The following KAZN variants were observed in gnomAD, a reference collection of about 807,000 sequenced individuals.
KAZN encodes the protein kazrin, periplakin interacting protein.
KAZN carries 40 observed loss-of-function variants against 87.4 expected under a neutral mutation model. That is an observed-to-expected ratio of 0.46 (90% CI 0.36 to 0.60). The LOEUF is 0.60. Among genes scored for constraint, KAZN ranks in the 20% least tolerant of loss-of-function variants. The pLI, the probability that KAZN is intolerant of heterozygous loss-of-function variation, is 0.00. For synonymous variants in KAZN, 466 were observed against 458.3 expected (o/e 1.02, Z -0.22); for missense variants, 898 against 1,073.9 (o/e 0.84, Z 2.29).
chr1:15,091,969 G>T (rs1640550725), intron 8 of KAZN, among the ~76,000 whole-genome samples: 1 of 130,144 alleles, frequency 7.7e-6, no homozygotes, highest in African/African-American at 3.3e-5. Context: ...TGTCTCTATG[G>T]ATGGATAAGC....
At position 14,812,470 on chromosome 1, in the gene KAZN, T is replaced by C. The variant is rs1646441384; in HGVS notation, c.227-148214T>C. Among the ~76,000 whole-genome samples, 3 of 152,126 alleles carry C rather than the reference T, an allele frequency of 2.0e-5. No homozygotes were observed. In the East Asian group the frequency reaches 5.8e-4, roughly 29 times the overall value. ...GGAAGATGTGGACAAATTCAGCAAT[T>C]ATCTTTCTGTCCCGGATCACATTCA... On this transcript the variant is annotated intron_variant, in intron 1 of 14. Coordinates refer to ENST00000376030, the MANE Select transcript of KAZN (RefSeq NM_201628.3).
chr1:14,550,723 CTCTCTCTCTCT>C (rs1673449364), intron 2 of KAZN, among the ~76,000 whole-genome samples: 7 of 86,142 alleles, frequency 8.1e-5, no homozygotes, highest in South Asian at 6.6e-4. Flanking sequence ...CTCTCTCTCT[CTCTCTCTCTCT>C]CTCTCCCCCA....
At chr1:14,241,550 C>T (rs906518940) in intron 2 of KAZN, among the ~76,000 whole-genome samples, 1 of 152,186 alleles carries the variant, frequency 6.6e-6, no homozygotes, top group Non-Finnish European at 1.5e-5. Flanking sequence ...AAGGACTTAG[C>T]ATTCATTTCT....
intron 1 of KAZN, among the ~76,000 whole-genome samples, chr1:14,141,236 TAAA>T (rs59679402): frequency 8.2e-3 from 323 of 39,240 alleles, no homozygotes; most frequent in African/African-American, 0.049. Context: ...GATTACCATT[TAAA>T]AAAAAAAAAA....
chr1:14,711,927 T>C (rs1642509583), intron 1 of KAZN, among the ~76,000 whole-genome samples: 1 of 152,194 alleles, frequency 6.6e-6, no homozygotes, highest in Admixed American at 6.5e-5. Flanking sequence ...CGGGACAGCT[T>C]GTTACACGCA....
intron 1 of KAZN, among the ~76,000 whole-genome samples, chr1:14,164,697 C>G (rs767388859): frequency 2.6e-5 from 4 of 152,012 alleles, no homozygotes; most frequent in Non-Finnish European, 5.9e-5. Context: ...TGCACCACCA[C>G]GCCTGGCTCA....
intron 2 of KAZN, among the ~76,000 whole-genome samples, chr1:14,358,551 G>A (rs1286492260): frequency 6.6e-6 from 1 of 152,074 alleles, no homozygotes. Flanking sequence ...TCTTTCTCTT[G>A]TGGGCATTTA....
chr1:14,690,319 C>T (rs972226830), intron 1 of KAZN, among the ~76,000 whole-genome samples: 11 of 152,202 alleles, frequency 7.2e-5, no homozygotes, highest in Non-Finnish European at 1.6e-4. Flanking sequence ...GATGGCCCAT[C>T]TGATGTTTTT....
At chr1:13,901,578 G>T (rs1038628621) in intron 1 of KAZN, among the ~76,000 whole-genome samples, 1 of 152,150 alleles carries the variant, frequency 6.6e-6, no homozygotes, top group African/African-American at 2.4e-5. Flanking sequence ...CCAATGAAAG[G>T]TTTGAAATTC....
intron 1 of KAZN, among the ~76,000 whole-genome samples, chr1:14,937,666 T>G (rs1660609755): frequency 6.6e-6 from 1 of 152,214 alleles, no homozygotes; most frequent in Non-Finnish European, 1.5e-5. Flanking sequence ...CACGTCCCCT[T>G]CGCCAGTTTC....
intron 2 of KAZN, among the ~76,000 whole-genome samples, chr1:15,005,025 T>G (rs2102039402): frequency 6.6e-6 from 1 of 152,282 alleles, no homozygotes; most frequent in African/African-American, 2.4e-5. Context: ...GTTGCTATTT[T>G]GAGACCTCAC....
At position 14,585,092 on chromosome 1, in the gene KAZN, T is replaced by C. The variant is rs1223735924; in HGVS notation, c.250-13891T>C. Reference sequence around the variant, plus strand: ...TGCATGGGAGGATACAGGGAGAAAGTGGCTGTCTACAAGCCAAGGAGAGAG... The same window carrying C: ...TGCATGGGAGGATACAGGGAGAAAGCGGCTGTCTACAAGCCAAGGAGAGAG... On this transcript the variant is annotated intron_variant, in intron 2 of 16. Coordinates refer to the KAZN transcript ENST00000636203. Among the ~76,000 whole-genome samples, 3 of 152,130 alleles carry C rather than the reference T, an allele frequency of 2.0e-5. 1 individual carries two copies. Among genetic ancestry groups the C allele is most frequent in the Non-Finnish European group, 4.4e-5 (3 of 68,004 alleles).
At chr1:14,169,657 C>T (rs936643119) in intron 1 of KAZN, among the ~76,000 whole-genome samples, 1 of 152,200 alleles carries the variant, frequency 6.6e-6, no homozygotes, top group Non-Finnish European at 1.5e-5. Flanking sequence ...CACAACTAGA[C>T]CTGCTGGAGG....
At chr1:14,523,000 A>C (rs1671666619) in intron 2 of KAZN, among the ~76,000 whole-genome samples, 1 of 151,324 alleles carries the variant, frequency 6.6e-6, no homozygotes, top group Admixed American at 6.6e-5. Flanking sequence ...AATTCCCCCA[A>C]CTCCCCAGCA....
intron 2 of KAZN, among the ~76,000 whole-genome samples, chr1:14,409,351 T>TG (rs1382450759): frequency 2.0e-5 from 3 of 152,206 alleles, no homozygotes; most frequent in African/African-American, 7.2e-5. Context: ...GCCAGGACTC[T>TG]GGGAGGGCTA....
In KAZN at chr1:14,399,223, C is replaced by T. The variant is rs562912045; in HGVS notation, c.250-199760C>T. On this transcript the variant is annotated intron_variant, in intron 2 of 16. Transcript: ENST00000636203. ...GTGGAGATGAGGTCTCACTATGTTG[C>T]GCAGGCTGGTCTCAAACTCCTGAGG... Among the ~76,000 whole-genome samples, 66 of 152,032 alleles carry T rather than the reference C, an allele frequency of 4.3e-4. 2 individuals are homozygous for T. Among genetic ancestry groups the T allele is most frequent in the Non-Finnish European group, 7.1e-4 (48 of 67,994 alleles).
chr1:14,975,789 C>T (rs1000806045), intron 2 of KAZN, among the ~76,000 whole-genome samples: 46 of 152,084 alleles, frequency 3.0e-4, no homozygotes, highest in African/African-American at 1.0e-3. Context: ...CCCAGTACTG[C>T]GGGAGGCCGA....
intron 2 of KAZN, among the ~76,000 whole-genome samples, chr1:14,200,429 C>T (rs1048100817): frequency 2.6e-5 from 4 of 152,064 alleles, no homozygotes; most frequent in African/African-American, 7.2e-5. Flanking sequence ...AACACTTCCC[C>T]ATATGGAAAA....
chr1:14,813,071 G>C (rs938624163), intron 1 of KAZN, among the ~76,000 whole-genome samples: 3 of 152,088 alleles, frequency 2.0e-5, no homozygotes, highest in Non-Finnish European at 4.4e-5. Flanking sequence ...TTCAGAGTTG[G>C]GTTCAGATTT....
Sources: allele counts gnomAD v4.1 joint callset (sites outside exome capture counted in the v4.1 genomes callset), GRCh38; gene constraint gnomAD v4.1.1; transcripts MANE v1.5; gene names NCBI Gene and HGNC (gene_info 2026-07-23, HGNC 2026-07-21).